The following TLE1 variants were observed in gnomAD, a reference collection of about 807,000 sequenced individuals.
The protein encoded by TLE1 is transducin-like enhancer protein 1.
In TLE1, 21 loss-of-function variants were observed where a neutral mutation model predicts 89.8. That is an observed-to-expected ratio of 0.23 (90% CI 0.17 to 0.34). TLE1 has a LOEUF of 0.34. Ranked by LOEUF, TLE1 falls within the 10% of genes least tolerant of loss-of-function variation. The probability of loss-of-function intolerance (pLI) is 1.00; values close to 1 mark genes in which losing one functional copy is unlikely to be tolerated. For missense variants in TLE1, 795 were observed against 1,031.2 expected, an observed-to-expected ratio of 0.77 and a Z score of 3.14; for synonymous variants, 447 against 407.6, an observed-to-expected ratio of 1.10 and a Z score of -1.16.
Position 81,646,111 on chromosome 9 carries a change from C to T in TLE1, c.372+6103G>A, listed in dbSNP as rs116638238. ...ACCTGCACATCCTATACATGTATCC[C>T]GGAACTTAAATTAAAATTTTTTTAA... On this transcript the variant is annotated intron_variant, in intron 6 of 19. Coordinates refer to ENST00000376499, the MANE Select transcript of TLE1 (RefSeq NM_005077.5). Among the ~76,000 whole-genome samples, 1,519 of 152,106 alleles carry T rather than the reference C, an allele frequency of 1.0e-2. 25 individuals are homozygous for T. Among genetic ancestry groups the T allele is most frequent in the African/African-American group, 0.032 (1,334 of 41,488 alleles).
intron 4 of TLE1, among the ~76,000 whole-genome samples, chr9:81,668,424 A>T (rs1022328043): frequency 6.6e-6 from 1 of 152,220 alleles, no homozygotes; most frequent in African/African-American, 2.4e-5. Context: ...CCTAGATGAC[A>T]GGTGCCATGG....
At chr9:81,648,018 T>C (rs1588113837) in intron 6 of TLE1, among the ~76,000 whole-genome samples, 1 of 152,294 alleles carries the variant, frequency 6.6e-6, no homozygotes, top group East Asian at 1.9e-4. Context: ...ACACCTGTAA[T>C]CCCAACACTT....
At chr9:81,591,606 G>A (rs1379020708) in intron 15 of TLE1, among the ~76,000 whole-genome samples, 1 of 152,112 alleles carries the variant, frequency 6.6e-6, no homozygotes, top group Non-Finnish European at 1.5e-5. Flanking sequence ...CATATGAAGG[G>A]GCTGTGGGTG....
intron 11 of TLE1, among the ~76,000 whole-genome samples, chr9:81,613,969 G>A (rs1439202404): frequency 7.0e-6 from 1 of 143,254 alleles, no homozygotes; most frequent in Non-Finnish European, 1.5e-5. Context: ...GTGCAGTGGC[G>A]CAATCTCGGC....
In TLE1 at chr9:81,688,249, C is replaced by G. The variant is rs546889909; in HGVS notation, c.-9G>C. On this transcript the variant is annotated 5_prime_UTR_variant, in exon 1 of 20. Coordinates refer to ENST00000376499, the MANE Select transcript of TLE1 (RefSeq NM_005077.5). ...CGGCTCTGCGGGAACATCGCTCTGGCGGCGGCCGGGGCTCTGTTCCCCGGC... is the reference window on the plus strand; with the variant it reads ...CGGCTCTGCGGGAACATCGCTCTGGGGGCGGCCGGGGCTCTGTTCCCCGGC... The G allele has an allele frequency of 6.3e-7, 1 of 1,583,118 alleles. No individual in the cohort carries two copies. The highest frequency in any genetic ancestry group is 8.6e-7 in the Non-Finnish European group (1 of 1,166,150).
chr9:81,648,373 CTG>C (rs1266317836), intron 6 of TLE1, among the ~76,000 whole-genome samples: 1 of 150,468 alleles, frequency 6.6e-6, no homozygotes, highest in South Asian at 2.1e-4. Flanking sequence ...AGGGGAAAAA[CTG>C]TAAGAATAAT....
intron 8 of TLE1, among the ~76,000 whole-genome samples, chr9:81,628,172 C>T (rs1340125017): frequency 3.9e-5 from 6 of 152,158 alleles, no homozygotes; most frequent in Non-Finnish European, 8.8e-5. Flanking sequence ...CTGCAAATGG[C>T]GGTGGGAGGA....
chr9:81,671,707 T>G (rs1294285710), intron 4 of TLE1, among the ~76,000 whole-genome samples: 2 of 152,140 alleles, frequency 1.3e-5, no homozygotes, highest in African/African-American at 4.8e-5. Flanking sequence ...TGAAACCTCC[T>G]TATACTTCCT....
At position 81,625,911 on chromosome 9, in the gene TLE1, TAAA is replaced by T. The variant is rs35467275; in HGVS notation, c.595-5357_595-5355del. 3.9e-3 allele frequency among the ~76,000 whole-genome samples: 341 copies of T among 87,828 alleles called. 2 individuals are homozygous for T. The highest frequency in any genetic ancestry group is 9.5e-3 in the African/African-American group (177 of 18,654). The allele number at this position is 87,828 out of a possible 152,430, so 57.6% of individuals were successfully genotyped here. ...TCTGGAAAGTAACCTCAGAAACTAC[TAAA>T]AAAAAAAAAAAAAAAAAAAGCAACT... On this transcript the variant is annotated intron_variant, in intron 8 of 19. Transcript: ENST00000376499.
rs201265824 is a variant in TLE1 at position 81,585,572 on chromosome 9, G to A, written c.2061C>T (p.Asn687=). 4 of 1,614,138 alleles carry A rather than the reference G, an allele frequency of 2.5e-6. No individual in the cohort carries two copies. Among genetic ancestry groups the A allele is most frequent in the African/African-American group, 2.7e-5 (2 of 75,026 alleles). Residue 687 remains asparagine, a synonymous_variant, in exon 18 of 20, where the codon AAC becomes AAT. Coordinates refer to ENST00000376499, the MANE Select transcript of TLE1 (RefSeq NM_005077.5). Reference sequence around the variant, plus strand: ...GGTGCAGCTGGTACTTGTCAGGCTTGTTCACGTGCAGCACCTCCACATTGC... The same window carrying A: ...GGTGCAGCTGGTACTTGTCAGGCTTATTCACGTGCAGCACCTCCACATTGC... The part of the protein sequence containing the change: ...ESSNVEVLHV[N]KPDKYQLHLH...
chr9:81,610,565 T>C (rs761752099), intron 13 of TLE1, among the ~76,000 whole-genome samples: 7 of 152,300 alleles, frequency 4.6e-5, no homozygotes, highest in Non-Finnish European at 8.8e-5. Flanking sequence ...ATACTTCCCT[T>C]AGACTTGCAA....
At chr9:81,624,407 A>G (rs559212013) in intron 8 of TLE1, among the ~76,000 whole-genome samples, 14 of 152,320 alleles carry the variant, frequency 9.2e-5, no homozygotes, top group African/African-American at 3.4e-4. Flanking sequence ...TGGCATGCCA[A>G]TCACCAGAGG....
At chr9:81,680,662 A>C (rs1270736212) in intron 4 of TLE1, among the ~76,000 whole-genome samples, 1 of 152,118 alleles carries the variant, frequency 6.6e-6, no homozygotes, top group Non-Finnish European at 1.5e-5. Context: ...AACAAAGGCT[A>C]ATCTTGCACC....
chr9:81,599,913 TA>T (rs937695772), intron 14 of TLE1: 2 of 501,918 alleles, frequency 4.0e-6, no homozygotes, highest in Non-Finnish European at 7.3e-6. Context: ...TTATTTTTTT[TA>T]AAGGCAAATA....
rs1828742106 is a variant in TLE1 at position 81,587,801 on chromosome 9, G to A, written c.1857C>T (p.Ala619=). The A allele has an allele frequency of 6.2e-7, 1 of 1,614,058 alleles. No individual in the cohort carries two copies. The highest frequency in any genetic ancestry group is 8.5e-7 in the Non-Finnish European group (1 of 1,180,014). Residue 619 remains alanine, a synonymous_variant, in exon 17 of 20, where the codon GCC becomes GCT. Coordinates refer to ENST00000376499, the MANE Select transcript of TLE1 (RefSeq NM_005077.5). The part of the protein sequence containing the change: ...VRQFQGHTDG[A]SCIDISNDGT... ...CATCATTAGAAATGTCAATACAGCT[G>A]GCTCCGTCTGTGTGGCCCTGGAATT...
chr9:81,675,700 T>TTTTTTG, intron 4 of TLE1, among the ~76,000 whole-genome samples: 1 of 139,720 alleles, frequency 7.2e-6, no homozygotes, highest in African/African-American at 2.9e-5. Context: ...TCACACTAGT[T>TTTTTTG]TTTTTTTGTT....
chr9:81,608,092 G>A (rs7035662), intron 14 of TLE1, among the ~76,000 whole-genome samples: 6,180 of 152,228 alleles, frequency 0.041, 406 homozygotes, highest in African/African-American at 0.14. Flanking sequence ...AAGGATGACC[G>A]GGCAGCTGAG....
intron 6 of TLE1, among the ~76,000 whole-genome samples, chr9:81,642,718 G>GGAAAGAAAGGAAA (rs1175417245): frequency 2.6e-4 from 39 of 151,196 alleles, no homozygotes; most frequent in African/African-American, 8.0e-4. Context: ...AAGAAAGAAA[G>GGAAAGAAAGGAAA]GAAAGAAAGA....
intron 14 of TLE1, among the ~76,000 whole-genome samples, chr9:81,609,079 CTCCTT>C (rs1314462759): frequency 7.2e-4 from 109 of 151,276 alleles, no homozygotes; most frequent in Non-Finnish European, 1.0e-3. Flanking sequence ...TTCCTCTCCT[CTCCTT>C]TCCTTTCCTT....
Sources: allele counts gnomAD v4.1 joint callset (sites outside exome capture counted in the v4.1 genomes callset), GRCh38; gene constraint gnomAD v4.1.1; transcripts MANE v1.5; gene names NCBI Gene and HGNC (gene_info 2026-07-23, HGNC 2026-07-21).